The following SOX5 variants were observed in gnomAD, a reference collection of about 807,000 sequenced individuals.
SOX5 encodes the protein SRY-box transcription factor 5.
SOX5 carries 9 observed loss-of-function variants against 92.0 expected under a neutral mutation model. The ratio of observed to expected loss-of-function variants is 0.10; its 90% CI spans 0.06 to 0.17. The LOEUF (loss-of-function observed/expected upper bound fraction) is 0.17. Among genes scored for constraint, SOX5 ranks in the 10% least tolerant of loss-of-function variants. The pLI is 1.00. For missense variants in SOX5, 642 were observed against 944.5 expected (o/e 0.68, Z 4.20); for synonymous variants, 344 against 336.3 (o/e 1.02, Z -0.25).
At chr12:23,626,796 T>C (rs2077876603) in intron 8 of SOX5, among the ~76,000 whole-genome samples, 1 of 151,300 alleles carries the variant, frequency 6.6e-6, no homozygotes, top group Non-Finnish European at 1.5e-5. Context: ...TGAGACCAGA[T>C]TCATACATCA....
rs76195447 is a variant in SOX5, at chr12:24,420,168, G to A, written c.-250-51529C>T. On this transcript the variant is annotated intron_variant, in intron 1 of 4. Transcript: ENST00000446891. ...AAATTTGATAGTCCAAAATTAATAC[G>A]TATTAGAGCTGAAAACTTTAAGCAC... Among the ~76,000 whole-genome samples, 36 of 152,210 alleles carry A rather than the reference G, an allele frequency of 2.4e-4. No individual in the cohort carries two copies. In the East Asian group the frequency reaches 5.2e-3, roughly 22 times the overall value.
At chr12:23,834,907 A>C (rs909938287) in intron 3 of SOX5, among the ~76,000 whole-genome samples, 1 of 151,948 alleles carries the variant, frequency 6.6e-6, no homozygotes, top group Non-Finnish European at 1.5e-5. Flanking sequence ...CAAAGACATG[A>C]ATATAGAAAG....
In SOX5 at chr12:24,035,847, A is replaced by G. The variant is rs112525740; in HGVS notation, c.-1-139823T>C. 1.2e-4 allele frequency among the ~76,000 whole-genome samples: 18 copies of G among 152,162 alleles called. 1 individual carries two copies. The highest frequency in any genetic ancestry group is 4.1e-4 in the African/African-American group (17 of 41,534). On this transcript the variant is annotated intron_variant, in intron 4 of 4. Transcript: ENST00000446891. ...CAGTACCAAAATCTCAGGCTAGAGA[A>G]AGTTTTACCCTGAGCTGGCCAGGGT...
intron 2 of SOX5, among the ~76,000 whole-genome samples, chr12:23,881,551 T>C (rs952695550): frequency 2.6e-5 from 4 of 152,348 alleles, no homozygotes; most frequent in African/African-American, 9.6e-5. Flanking sequence ...CATCGGCTTT[T>C]ATATTTCAAT....
chr12:24,358,568 C>T (rs936584871), intron 2 of SOX5, among the ~76,000 whole-genome samples: 7 of 150,928 alleles, frequency 4.6e-5, no homozygotes, highest in Non-Finnish European at 7.4e-5. Context: ...GCCAAGATCG[C>T]GCCACTGCAC....
At chr12:23,807,083 A>G (rs1289239826) in intron 3 of SOX5, among the ~76,000 whole-genome samples, 1 of 151,990 alleles carries the variant, frequency 6.6e-6, no homozygotes, top group Non-Finnish European at 1.5e-5. Context: ...GTTTCCATGA[A>G]ATCAAAAATT....
intron 3 of SOX5, among the ~76,000 whole-genome samples, chr12:23,768,674 T>C (rs2094819781): frequency 6.6e-6 from 1 of 152,156 alleles, no homozygotes; most frequent in South Asian, 2.1e-4. Flanking sequence ...CCAACTACAG[T>C]AGCTGCTCAT....
chr12:24,136,464 A>G (rs959263408), intron 4 of SOX5, among the ~76,000 whole-genome samples: 1 of 152,254 alleles, frequency 6.6e-6, no homozygotes, highest in African/African-American at 2.4e-5. Context: ...ATTACTAGCT[A>G]TGTAACTTGG....
At position 23,890,808 on chromosome 12, in the gene SOX5, A is replaced by G. The variant is rs1403495261; in HGVS notation, c.270+4985T>C. Among the ~76,000 whole-genome samples, 5 of 149,326 alleles carry G rather than the reference A, an allele frequency of 3.3e-5. No individual in the cohort carries two copies. The East Asian group carries it at 9.8e-4, about 29-fold the overall frequency. ...TTTGAAGCAACAGCCTCCAAAGTCAAGTTGAAAAAAAAAAAAGAAAAGAAG... is the reference window on the plus strand; with the variant it reads ...TTTGAAGCAACAGCCTCCAAAGTCAGGTTGAAAAAAAAAAAAGAAAAGAAG... On this transcript the variant is annotated intron_variant, in intron 2 of 14. Coordinates refer to ENST00000451604, the MANE Select transcript of SOX5 (RefSeq NM_006940.6).
chr12:24,035,408 A>C (rs1297443432), intron 4 of SOX5, among the ~76,000 whole-genome samples: 1 of 152,122 alleles, frequency 6.6e-6, no homozygotes, highest in Non-Finnish European at 1.5e-5. Context: ...TATAAACAAG[A>C]ATTCAAAATC....
chr12:24,322,710 A>G (rs776542060), intron 2 of SOX5, among the ~76,000 whole-genome samples: 1 of 152,176 alleles, frequency 6.6e-6, no homozygotes, highest in Non-Finnish European at 1.5e-5. Context: ...ATCTATCTGC[A>G]AACAAGAAAC....
chr12:24,360,639 A>G (rs1955441864), intron 2 of SOX5, among the ~76,000 whole-genome samples: 1 of 152,176 alleles, frequency 6.6e-6, no homozygotes, highest in Non-Finnish European at 1.5e-5. Context: ...CATTTTACAT[A>G]TTGAAAGTGT....
At chr12:23,608,746 T>G (rs2075584865) in intron 8 of SOX5, among the ~76,000 whole-genome samples, 1 of 152,144 alleles carries the variant, frequency 6.6e-6, no homozygotes, top group Non-Finnish European at 1.5e-5. Context: ...GAGAAATGAA[T>G]CACATGATGT....
At chr12:23,683,195 C>T (rs1395419860) in intron 6 of SOX5, among the ~76,000 whole-genome samples, 1 of 151,862 alleles carries the variant, frequency 6.6e-6, no homozygotes, top group Non-Finnish European at 1.5e-5. Flanking sequence ...GAGTGTTAAA[C>T]ATATTTCTAA....
chr12:24,500,096 C>T (rs1016921906), intron 1 of SOX5, among the ~76,000 whole-genome samples: 2 of 152,146 alleles, frequency 1.3e-5, no homozygotes, highest in African/African-American at 4.8e-5. Flanking sequence ...AGTTCTGCCA[C>T]CGACTTGCTG....
At chr12:23,962,463 TA>T (rs1947061468) in intron 4 of SOX5, among the ~76,000 whole-genome samples, 1 of 151,888 alleles carries the variant, frequency 6.6e-6, no homozygotes, top group African/African-American at 2.4e-5. Flanking sequence ...AATTATACAT[TA>T]AAAAGGAACA....
At chr12:23,683,693 C>T (rs992412396) in intron 6 of SOX5, among the ~76,000 whole-genome samples, 3 of 151,856 alleles carry the variant, frequency 2.0e-5, no homozygotes, top group Non-Finnish European at 4.4e-5. Flanking sequence ...CAATAGAAAG[C>T]TATTTCAAAA....
At chr12:23,965,300 G>A (rs1947425076) in intron 4 of SOX5, among the ~76,000 whole-genome samples, 2 of 152,140 alleles carry the variant, frequency 1.3e-5, no homozygotes, top group Non-Finnish European at 2.9e-5. Flanking sequence ...GGCACTCCTG[G>A]GTGGCCTGCA....
chr12:23,735,691 C>T (rs994936378), intron 5 of SOX5, among the ~76,000 whole-genome samples: 1 of 152,170 alleles, frequency 6.6e-6, no homozygotes, highest in African/African-American at 2.4e-5. Context: ...ACCTCAAGTT[C>T]AACAAGTCCC....
Sources: allele counts gnomAD v4.1 joint callset (sites outside exome capture counted in the v4.1 genomes callset), GRCh38; gene constraint gnomAD v4.1.1; transcripts MANE v1.5; gene names NCBI Gene and HGNC (gene_info 2026-07-23, HGNC 2026-07-21).